Variants in DELE1 observed in about 807,000 individuals in gnomAD.
The protein encoded by DELE1 is DAP3 binding cell death enhancer 1, also known as death ligand signal enhancer.
Under a neutral mutation model 59.3 loss-of-function variants are expected in DELE1, and 54 were observed. The observed-to-expected ratio is 0.91, with a 90% confidence interval of 0.73 to 1.14. DELE1 has a LOEUF of 1.14. Ranked by LOEUF, DELE1 falls within the 50% of genes most tolerant of loss-of-function variation. DELE1 has a pLI of 0.00. For missense variants in DELE1, 636 were observed against 643.9 expected (o/e 0.99, Z 0.13); for synonymous variants, 264 against 259.1 (o/e 1.02, Z -0.18).
At chr5:141,935,717 G>T (rs1330641254) in intron 10 of DELE1, among the ~76,000 whole-genome samples, 1 of 149,360 alleles carries the variant, frequency 6.7e-6, no homozygotes, top group African/African-American at 2.6e-5. Context: ...GCACATCCAT[G>T]TGCAGGGCAA....
rs755518956 is a variant in DELE1, at chr5:141,929,608, C to T, written c.439C>T (p.Pro147Ser). Residue 147 changes from proline to serine, a missense_variant, in exon 5 of 12, where the codon CCC becomes TCC. Transcript: ENST00000432126. ...SSLRQHILPSPDGPAPRHTGL... is the reference protein window; with the variant it reads ...SSLRQHILPSSDGPAPRHTGL... ...ACTGCGACAACACATCCTCCCCAGC[C>T]CCGATGGCCCAGCTCCCAGGCACAC... is the stretch of plus-strand genomic sequence containing the variant. The T allele has an allele frequency of 6.2e-7, 1 of 1,614,020 alleles. No homozygotes were observed.
intron 7 of DELE1, among the ~76,000 whole-genome samples, chr5:141,932,611 A>G (rs992461069): frequency 6.6e-6 from 1 of 152,194 alleles, no homozygotes; most frequent in African/African-American, 2.4e-5. Context: ...CAACCAGATC[A>G]AGGTTCAGAT....
At position 141,928,464 on chromosome 5, in the gene DELE1, G is replaced by A. The variant is rs369326774; in HGVS notation, c.412+166G>A. Among the ~76,000 whole-genome samples the A allele has an allele frequency of 4.6e-5, 7 of 152,280 alleles. 2 individuals carry two copies. Among genetic ancestry groups the A allele is most frequent in the African/African-American group, 1.7e-4 (7 of 41,548 alleles). On this transcript the variant is annotated intron_variant, in intron 4 of 11. Transcript: ENST00000432126. ...GGAAGTTCTATCCACCCAGGGCATG[G>A]GCCACACCTGCCCCTCAGTGTCTTT... is the stretch of plus-strand genomic sequence containing the variant.
chr5:141,929,269 GAC>G (rs773143113), intron 4 of DELE1, among the ~76,000 whole-genome samples: 2 of 151,970 alleles, frequency 1.3e-5, no homozygotes, highest in Non-Finnish European at 2.9e-5. Context: ...TTTCTTTTGA[GAC>G]ACAGTCTTGC....
chr5:141,926,196 A>T (rs553072731), intron 3 of DELE1, among the ~76,000 whole-genome samples: 1 of 152,312 alleles, frequency 6.6e-6, no homozygotes, highest in African/African-American at 2.4e-5. Flanking sequence ...TTATTTATTA[A>T]TGTAAAGTAT....
chr5:141,930,947 C>T (rs1380532586), intron 7 of DELE1, among the ~76,000 whole-genome samples: 1 of 152,182 alleles, frequency 6.6e-6, no homozygotes, highest in Non-Finnish European at 1.5e-5. Flanking sequence ...TTACCTTTTG[C>T]CAGTTCCTGT....
chr5:141,935,645 C>T (rs1167134654), intron 10 of DELE1, among the ~76,000 whole-genome samples: 1 of 152,212 alleles, frequency 6.6e-6, no homozygotes, highest in Non-Finnish European at 1.5e-5. Context: ...AACAGGTATC[C>T]ACTGCTGTAC....
In DELE1 at chr5:141,929,585, T is replaced by G; in HGVS notation, c.416T>G (p.Leu139Arg). 1 of 1,613,466 alleles carries G rather than the reference T, an allele frequency of 6.2e-7. No homozygotes were observed. Among genetic ancestry groups the G allele is most frequent in the Non-Finnish European group, 8.5e-7 (1 of 1,179,944 alleles). Residue 139 changes from leucine to arginine, a missense_variant, in exon 5 of 12, where the codon CTG becomes CGG. Physicochemically the swap from Leu to Arg is moderately radical, Grantham distance 102 (BLOSUM62 -2). Coordinates refer to ENST00000432126, the MANE Select transcript of DELE1 (RefSeq NM_014773.5). ...TACTCTTGCTGGCTCTTTCCAGCAC[T>G]GCGACAACACATCCTCCCCAGCCCC... Reference protein sequence around the residue: ...SSPLWHPCSSLRQHILPSPDG... With the variant: ...SSPLWHPCSSRRQHILPSPDG...
At chr5:141,926,612 T>C (rs1014701300) in intron 3 of DELE1, among the ~76,000 whole-genome samples, 37 of 152,372 alleles carry the variant, frequency 2.4e-4, no homozygotes, top group African/African-American at 8.7e-4. Context: ...TCGTGCTGTG[T>C]ACTTTGGACA....
At position 141,923,897 on chromosome 5, in the gene DELE1, G is replaced by C; in HGVS notation, c.-45G>C. The C allele has an allele frequency of 3.2e-6, 5 of 1,578,946 alleles. No homozygotes were observed. The South Asian group carries it at 5.8e-5, about 18-fold the overall frequency. On this transcript the variant is annotated 5_prime_UTR_variant, in exon 1 of 12. Coordinates refer to ENST00000432126, the MANE Select transcript of DELE1 (RefSeq NM_014773.5). ...TTTCTAGCCGCTGTCCCAAGGGTTG[G>C]TCTCGCGCTTTCGGCTGCGAGCTCT...
chr5:141,932,336 C>G (rs1751977940), intron 7 of DELE1, among the ~76,000 whole-genome samples: 1 of 152,214 alleles, frequency 6.6e-6, no homozygotes, highest in Admixed American at 6.5e-5. Context: ...GGTCTTGACA[C>G]TGCTGTATTA....
Position 141,929,717 on chromosome 5 carries a change from G to A in DELE1, c.548G>A (p.Arg183His), listed in dbSNP as rs748202306. The change falls in exon 5 of 12, where the codon CGT becomes CAT. Residue 183 changes from arginine (R) to histidine (H), a missense_variant. Arg to His is a conservative substitution (Grantham distance 29). Coordinates refer to ENST00000432126, the MANE Select transcript of DELE1 (RefSeq NM_014773.5). ...TCACACAACTCTTTGAGAGGAGCTCGTCCTCAGGACCCCTCTGAGGAAGGT... is the reference window on the plus strand; with the variant it reads ...TCACACAACTCTTTGAGAGGAGCTCATCCTCAGGACCCCTCTGAGGAAGGT... The part of the protein sequence containing the change: ...NFSHNSLRGA[R>H]PQDPSEEGPG... The A allele has an allele frequency of 2.0e-5, 32 of 1,614,082 alleles. No homozygotes were observed. The highest frequency in any genetic ancestry group is 1.6e-4 in the Middle Eastern group (1 of 6,082).
Position 141,939,385 on chromosome 5 carries a change from C to G in DELE1, c.*626C>G. On this transcript the variant is annotated 3_prime_UTR_variant, in exon 12 of 12. Transcript: ENST00000432126. ...GGTAGCAAAAATCACAGGGGTGGTT[C>G]CATGAATGGCTGACACTTAGGAAAC... The G allele has an allele frequency of 2.0e-6, 2 of 983,186 alleles. No homozygotes were observed. Among genetic ancestry groups the G allele is most frequent in the Non-Finnish European group, 2.4e-6 (2 of 827,548 alleles). 60.9% of individuals were successfully genotyped at this position (983,186 alleles called of 1,614,324 possible). A position where few individuals can be genotyped will look rare whatever the true frequency, so the allele number is the denominator to read the frequency against.
rs774385676 is a variant in DELE1, at chr5:141,924,632, C to A, written c.83C>A (p.Thr28Asn). The change falls in exon 2 of 12, where the codon ACC (threonine) becomes AAC (asparagine). Residue 28 changes from threonine to asparagine, a missense_variant. By Grantham distance (65) the Thr-to-Asn change is moderately conservative. Coordinates refer to ENST00000432126, the MANE Select transcript of DELE1 (RefSeq NM_014773.5). ...CTCTGGAGGGTGACTCCTAAGTCCA[C>A]CAGCCCAGATGGGCCTCAGACTACC... is the stretch of plus-strand genomic sequence containing the variant. ...PSLWRVTPKS[T>N]SPDGPQTTSS... 48 of 1,614,046 alleles carry A rather than the reference C, an allele frequency of 3.0e-5. No individual in the cohort carries two copies. Among genetic ancestry groups the A allele is most frequent in the Non-Finnish European group, 3.9e-5 (46 of 1,180,014 alleles).
chr5:141,940,893 A>G lies in DELE1; in HGVS notation c.*2134A>G. The G allele has an allele frequency of 1.0e-6, 1 of 984,806 alleles. No homozygotes were observed. Among genetic ancestry groups the G allele is most frequent in the Non-Finnish European group, 1.2e-6 (1 of 829,344 alleles). 61.0% of individuals were successfully genotyped at this position (984,806 alleles called of 1,614,324 possible). On this transcript the variant is annotated 3_prime_UTR_variant, in exon 12 of 12. Coordinates refer to ENST00000432126, the MANE Select transcript of DELE1 (RefSeq NM_014773.5). Reference sequence around the variant, plus strand: ...CAAACAAAAAAAGGTTTCTGTGGTTAAATAAGTTTGGGAAATGCTGCACCA... The same window carrying G: ...CAAACAAAAAAAGGTTTCTGTGGTTGAATAAGTTTGGGAAATGCTGCACCA...
At chr5:141,936,516 C>G (rs1752367784) in intron 10 of DELE1, among the ~76,000 whole-genome samples, 1 of 152,136 alleles carries the variant, frequency 6.6e-6, no homozygotes, top group South Asian at 2.1e-4. Context: ...CGCACTGCAA[C>G]CTCCGCCTCC....
In DELE1 at chr5:141,940,048, G is replaced by T. The variant is rs117441721; in HGVS notation, c.*1289G>T. The T allele has an allele frequency of 1.0e-6, 1 of 985,392 alleles. No individual in the cohort carries two copies. Among genetic ancestry groups the T allele is most frequent in the East Asian group, 1.1e-4 (1 of 8,814 alleles). The allele number at this position is 985,392 out of a possible 1,614,324, so 61.0% of individuals were successfully genotyped here. On this transcript the variant is annotated 3_prime_UTR_variant, in exon 12 of 12. Transcript: ENST00000432126. ...ATGGGAGAGTAAATGTAGATTGAAT[G>T]CTAGGAGTCTTAAAGCTGGAGAGTA...
Position 141,938,927 on chromosome 5 carries a change from C to T in DELE1, c.*168C>T, listed in dbSNP as rs576962369. The T allele has an allele frequency of 1.5e-4, 212 of 1,430,282 alleles. No homozygotes were observed. The highest frequency in any genetic ancestry group is 3.1e-4 in the South Asian group (21 of 67,614). 88.6% of individuals were successfully genotyped at this position (1,430,282 alleles called of 1,614,324 possible). On this transcript the variant is annotated 3_prime_UTR_variant, in exon 12 of 12. Transcript: ENST00000432126. ...CTGGTAAGTGACTGATCTTTCCCCCCGCTTGGTAGCCTCACAGATGAGTCT... is the reference window on the plus strand; with the variant it reads ...CTGGTAAGTGACTGATCTTTCCCCCTGCTTGGTAGCCTCACAGATGAGTCT...
chr5:141,924,613 A>C lies in DELE1; in HGVS notation c.64A>C (p.Arg22=). The change falls in exon 2 of 12, where the codon AGG becomes CGG. Residue 22 remains arginine, a synonymous_variant. Coordinates refer to ENST00000432126, the MANE Select transcript of DELE1 (RefSeq NM_014773.5). The stretch of plus-strand genomic sequence containing the variant: ...CCGTACACTGGGACCTAGCCTCTGG[A>C]GGGTGACTCCTAAGTCCACCAGCCC... ...LPRTLGPSLW[R]VTPKSTSPDG... 2 of 1,613,838 alleles carry C rather than the reference A, an allele frequency of 1.2e-6. No individual in the cohort carries two copies. Among genetic ancestry groups the C allele is most frequent in the Non-Finnish European group, 1.7e-6 (2 of 1,179,746 alleles).
Sources: allele counts gnomAD v4.1 joint callset (sites outside exome capture counted in the v4.1 genomes callset), GRCh38; gene constraint gnomAD v4.1.1; transcripts MANE v1.5; gene names NCBI Gene and HGNC (gene_info 2026-07-23, HGNC 2026-07-21).